The following TMEM223 variants were observed in gnomAD, a reference collection of about 807,000 sequenced individuals.
The protein encoded by TMEM223 is transmembrane protein 223.
TMEM223 carries 14 observed loss-of-function variants against 14.1 expected under a neutral mutation model. The ratio of observed to expected loss-of-function variants is 0.99; its 90% CI spans 0.66 to 1.55. The LOEUF is 1.55. Among genes scored for constraint, TMEM223 ranks in the 40% most tolerant of loss-of-function variants. TMEM223 has a pLI of 0.00. For synonymous variants in TMEM223, 145 were observed against 120.5 expected, an observed-to-expected ratio of 1.20 and a Z score of -1.33; for missense variants, 346 against 269.9, an observed-to-expected ratio of 1.28 and a Z score of -1.97.
Position 62,775,606 on chromosome 11 carries a change from C to CT in TMEM223, c.315-942dup. 4.3e-6 allele frequency: 3 copies of CT among 694,762 alleles called. No individual in the cohort carries two copies. In the South Asian group the frequency reaches 6.1e-5, roughly 14 times the overall value. 43.0% of individuals were successfully genotyped at this position (694,762 alleles called of 1,614,324 possible). ...CACCGTTCTTGACCCACTGGCCAGT[C>CT]TGTTTCCTTCTCTGAGCCTCACTTT... is the stretch of plus-strand genomic sequence containing the variant. On this transcript the variant is annotated intron_variant, in intron 1 of 2. Transcript: ENST00000528367.
At chr11:62,783,284 C>A (rs1189475514), downstream of TMEM223, among the ~76,000 whole-genome samples, 1 of 152,072 alleles carries the variant, frequency 6.6e-6, no homozygotes, top group Non-Finnish European at 1.5e-5. Flanking sequence ...AGATCGAAAC[C>A]ATCCTGGCTA....
downstream of TMEM223, among the ~76,000 whole-genome samples, chr11:62,788,572 C>T (rs555652175): frequency 1.0e-4 from 15 of 149,864 alleles, no homozygotes; most frequent in Admixed American, 2.0e-4. Context: ...GGCATGGTGG[C>T]GGGTGCCTGT....
At chr11:62,774,278 G>A (rs1178554112) in intron 2 of TMEM223, among the ~76,000 whole-genome samples, 18 of 152,020 alleles carry the variant, frequency 1.2e-4, no homozygotes, top group South Asian at 4.2e-4. Context: ...GGGTTTCACC[G>A]TGTTAACCAG....
Position 62,772,912 on chromosome 11 carries a change from CTG to C in TMEM223, c.386-782_386-781del, listed in dbSNP as rs2084160179. Among the ~76,000 whole-genome samples, 6 of 150,116 alleles carry C rather than the reference CTG, an allele frequency of 4.0e-5. No individual in the cohort carries two copies. The South Asian group carries it at 1.3e-3, about 31-fold the overall frequency. On this transcript the variant is annotated intron_variant, in intron 2 of 2. Coordinates refer to the TMEM223 transcript ENST00000528367. ...GTTTTTTTTGAGACTGAGTTTAGCTCTGTCATCCAGGCTGGAGTGCAGTGGTG... is the reference window on the plus strand; with the variant it reads ...GTTTTTTTTGAGACTGAGTTTAGCTCTCATCCAGGCTGGAGTGCAGTGGTG...
intron 1 of TMEM223, among the ~76,000 whole-genome samples, chr11:62,781,164 AG>A (rs1170605588): frequency 1.4e-4 from 21 of 150,106 alleles, no homozygotes; most frequent in Admixed American, 1.1e-3. Context: ...TGAACCCAGG[AG>A]GCAGAGGTTG....
Position 62,790,682 on chromosome 11 carries a change from C to T in TMEM223, c.550G>A (p.Gly184Arg). 1 of 1,612,202 alleles carries T rather than the reference C, an allele frequency of 6.2e-7. No individual in the cohort carries two copies. Among genetic ancestry groups the T allele is most frequent in the South Asian group, 1.1e-5 (1 of 90,740 alleles). The change falls in exon 2 of 2, where the codon GGA (glycine) becomes AGA (arginine). Residue 184 changes from glycine (G) to arginine (R), a missense_variant. Physicochemically the swap from Gly to Arg is moderately radical, Grantham distance 125. Coordinates refer to ENST00000307366, the MANE Select transcript of TMEM223 (RefSeq NM_001080501.3). ...AAGAGTTTTGTGTTAGGGAAGTGTCCAGTTTTGTCCAAGAGGAAATAGAAG... is the reference window on the plus strand; with the variant it reads ...AAGAGTTTTGTGTTAGGGAAGTGTCTAGTTTTGTCCAAGAGGAAATAGAAG... The part of the protein sequence containing the change: ...RRFYFLLDKT[G>R]HFPNTKLFDN...
chr11:62,789,488 T>C (rs535790010), downstream of TMEM223: 96 of 1,608,828 alleles, frequency 6.0e-5, no homozygotes, highest in Admixed American at 1.4e-3. Flanking sequence ...AGCGGGGTCC[T>C]ATAATTTCCT....
rs924639357 is a variant in TMEM223 at position 62,790,496 on chromosome 11, G to A, written c.*127C>T. 11 of 852,806 alleles carry A rather than the reference G, an allele frequency of 1.3e-5. No individual in the cohort carries two copies. The highest frequency in any genetic ancestry group is 5.6e-5 in the East Asian group (2 of 35,768). The allele number at this position is 852,806 out of a possible 1,614,324, so 52.8% of individuals were successfully genotyped here. A position where few individuals can be genotyped will look rare whatever the true frequency, so the allele number is the denominator to read the frequency against. On this transcript the variant is annotated 3_prime_UTR_variant, in exon 2 of 2. Transcript: ENST00000307366. Reference sequence around the variant, plus strand: ...TCGCTATGTTGCCCAGCCTGGGCTCGAGCAGTGCTCCTGCCTCACCCTCCC... The same window carrying A: ...TCGCTATGTTGCCCAGCCTGGGCTCAAGCAGTGCTCCTGCCTCACCCTCCC...
At position 62,791,944 on chromosome 11, in the gene TMEM223, CCGCAG is replaced by C; in HGVS notation, c.46_50del (p.Leu16AlafsTer21). 1 of 1,589,938 alleles carries C rather than the reference CCGCAG, an allele frequency of 6.3e-7. No individual in the cohort carries two copies. The highest frequency in any genetic ancestry group is 8.6e-7 in the Non-Finnish European group (1 of 1,167,988). On this transcript the variant is annotated frameshift_variant, in exon 1 of 2. Transcript: ENST00000307366. LOFTEE classifies it high-confidence loss of function. ...GCAGGGGCCGGCAGGTGAGCAGGGG[CCGCAG>C]CACGGCTAGCAGCCCCGTGGGCCAT...
downstream of TMEM223, chr11:62,787,679 G>A: frequency 2.0e-6 from 2 of 1,014,924 alleles, no homozygotes; most frequent in South Asian, 1.7e-5. Flanking sequence ...GAAATGCAGC[G>A]AGGCTAATCG....
chr11:62,778,197 G>A (rs2084201424), intron 1 of TMEM223: 1 of 1,613,502 alleles, frequency 6.2e-7, no homozygotes, highest in South Asian at 1.1e-5. Context: ...TGATGGGCTG[G>A]CTGGTGGAAG....
chr11:62,774,270 G>C (rs998977738), intron 2 of TMEM223, among the ~76,000 whole-genome samples: 8 of 152,186 alleles, frequency 5.3e-5, no homozygotes, highest in African/African-American at 1.9e-4. Flanking sequence ...TAGAGATGGG[G>C]TTTCACCGTG....
chr11:62,777,446 AGGAGGCCACT>A (rs764128640), intron 1 of TMEM223, among the ~76,000 whole-genome samples: 79 of 152,290 alleles, frequency 5.2e-4, no homozygotes, highest in South Asian at 1.0e-3. Context: ...AAAGAGGGAG[AGGAGGCCACT>A]GGAGGCCCAG....
chr11:62,786,623 G>C (rs371013825), downstream of TMEM223: 34 of 1,601,004 alleles, frequency 2.1e-5, no homozygotes, highest in African/African-American at 3.2e-4. Flanking sequence ...CCATGGGACA[G>C]CCTTCTCTTT....
intron 1 of TMEM223, chr11:62,778,601 T>C: frequency 3.3e-6 from 2 of 615,188 alleles, no homozygotes; most frequent in East Asian, 5.5e-5. Flanking sequence ...ACCCCCAGGG[T>C]ATGCTGAGCA....
At chr11:62,789,552 C>T (rs369963815), downstream of TMEM223, 331 of 1,556,168 alleles carry the variant, frequency 2.1e-4, 3 homozygotes, top group Middle Eastern at 1.7e-4. Context: ...AGGTGTGCCT[C>T]GGATATAAAC....
chr11:62,789,100 A>G (rs762134919), downstream of TMEM223: 4 of 1,614,028 alleles, frequency 2.5e-6, no homozygotes, highest in Non-Finnish European at 1.7e-6. Context: ...CCCGTCCCTC[A>G]GCACCATCCC....
intron 1 of TMEM223, among the ~76,000 whole-genome samples, chr11:62,791,402 C>A (rs566401675): frequency 6.6e-6 from 1 of 152,156 alleles, no homozygotes; most frequent in South Asian, 2.1e-4. Flanking sequence ...GGACTACAGG[C>A]GCTTGCTACC....
At chr11:62,777,973 C>T (rs775244916) in intron 1 of TMEM223, 10 of 1,613,174 alleles carry the variant, frequency 6.2e-6, no homozygotes, top group South Asian at 1.1e-5. Flanking sequence ...TCCCTTTTTC[C>T]TCAGGCTGTG....
Sources: gnomAD v4.1 joint callset for allele counts (sites outside exome capture counted in the v4.1 genomes callset) on GRCh38, gnomAD v4.1.1 for gene constraint, MANE v1.5 for transcripts, NCBI Gene and HGNC (gene_info 2026-07-23, HGNC 2026-07-21) for gene names.